The following CIMIP2A variants were observed in gnomAD, a reference collection of about 807,000 sequenced individuals.
The protein encoded by CIMIP2A is ciliary microtubule inner protein 2A, also known as family with sequence similarity 166 member A.
At chr9:137,247,355 C>G in the CIMIP2A span, among the ~76,000 whole-genome samples, 4 of 152,364 alleles carry the variant, frequency 2.6e-5, no homozygotes, top group African/African-American at 9.6e-5. Context: ...CACTTACTAG[C>G]CGGCCTCTGC....
chr9:137,249,827 A>G, the CIMIP2A span, among the ~76,000 whole-genome samples: 7 of 152,180 alleles, frequency 4.6e-5, no homozygotes, highest in Non-Finnish European at 1.0e-4. Flanking sequence ...TACCCTTTAC[A>G]ATAAACCAGT....
At chr9:137,243,730 C>T in the CIMIP2A span, 21 of 1,614,060 alleles carry the variant, frequency 1.3e-5, no homozygotes, top group East Asian at 2.2e-5. Context: ...TTGCCCATTC[C>T]TTCCAGTAGG....
chr9:137,246,328 A>G, the CIMIP2A span, among the ~76,000 whole-genome samples: 32 of 152,222 alleles, frequency 2.1e-4, no homozygotes. Flanking sequence ...CTGCACGGGA[A>G]GAGAACTGGG....
the CIMIP2A span, chr9:137,252,008 G>A: frequency 6.2e-7 from 1 of 1,611,202 alleles, no homozygotes; most frequent in Non-Finnish European, 8.5e-7. Context: ...CAGTGCTGGA[G>A]CAACGCCCCC....
chr9:137,253,032 CA>C, the CIMIP2A span: 1 of 1,533,194 alleles, frequency 6.5e-7, no homozygotes, highest in Non-Finnish European at 8.8e-7. Context: ...GACAAGGGTT[CA>C]GGGGCCGGGG....
At chr9:137,244,193 G>T in the CIMIP2A span, 1 of 1,613,922 alleles carries the variant, frequency 6.2e-7, no homozygotes, top group Non-Finnish European at 8.5e-7. Context: ...CCATGTAGAA[G>T]GGGATCAGGC....
At chr9:137,244,365 T>G in the CIMIP2A span, 1 of 1,601,466 alleles carries the variant, frequency 6.2e-7, no homozygotes, top group Non-Finnish European at 8.5e-7. Flanking sequence ...AGTGGGGGCC[T>G]GGCCGGAGGG....
the CIMIP2A span, among the ~76,000 whole-genome samples, chr9:137,249,539 C>T: frequency 6.6e-6 from 1 of 152,144 alleles, no homozygotes; most frequent in Non-Finnish European, 1.5e-5. Context: ...TACCTCCTGC[C>T]CTCCTTTCAC....
chr9:137,251,812 A>G, the CIMIP2A span: 2 of 1,602,108 alleles, frequency 1.2e-6, no homozygotes, highest in Non-Finnish European at 1.7e-6. Flanking sequence ...CCAAAGATGA[A>G]GGAGATCCCA....
chr9:137,245,237 G>A, the CIMIP2A span: 44 of 1,574,854 alleles, frequency 2.8e-5, no homozygotes, highest in East Asian at 4.5e-5. Context: ...GGGAGGAAGC[G>A]GAGGTCACGG....
the CIMIP2A span, chr9:137,244,670 T>C: frequency 6.2e-7 from 1 of 1,613,880 alleles, no homozygotes; most frequent in Admixed American, 1.7e-5. Flanking sequence ...GTCCATGGCT[T>C]GCATGACGCC....
At chr9:137,244,115 C>A in the CIMIP2A span, 2 of 1,523,758 alleles carry the variant, frequency 1.3e-6, no homozygotes, top group South Asian at 1.1e-5. Context: ...CAGGTAGAGC[C>A]GTCCCTCCCC....
the CIMIP2A span, chr9:137,245,592 A>T: frequency 6.2e-7 from 1 of 1,613,580 alleles, no homozygotes; most frequent in African/African-American, 1.3e-5. Context: ...GTGCCGGGAC[A>T]GGCAGGCGGG....
At chr9:137,244,346 A>G in the CIMIP2A span, 5 of 1,608,586 alleles carry the variant, frequency 3.1e-6, no homozygotes, top group African/African-American at 1.3e-5. Context: ...CAGATAGTCA[A>G]GTTGTCCCAG....
At chr9:137,253,051 C>A in the CIMIP2A span, 1 of 1,536,818 alleles carries the variant, frequency 6.5e-7, no homozygotes, top group Non-Finnish European at 8.8e-7. Flanking sequence ...GGGGTGGGAA[C>A]TGGGAGCCAG....
chr9:137,244,986 A>T, the CIMIP2A span: 1 of 1,607,534 alleles, frequency 6.2e-7, no homozygotes, highest in Non-Finnish European at 8.5e-7. Flanking sequence ...GTTCTGGAGC[A>T]GGAAAAGTGG....
chr9:137,244,636 T>C, the CIMIP2A span: 30 of 1,613,362 alleles, frequency 1.9e-5, no homozygotes, highest in Non-Finnish European at 2.5e-5. Context: ...GATGGCGCTT[T>C]CCTACCTGGC....
At chr9:137,244,130 T>A in the CIMIP2A span, 4 of 1,586,322 alleles carry the variant, frequency 2.5e-6, no homozygotes, top group Non-Finnish European at 2.6e-6. Context: ...CTCCCCACAT[T>A]GGCCGGGGTG....
chr9:137,252,382 G>T, the CIMIP2A span: 1 of 1,547,366 alleles, frequency 6.5e-7, no homozygotes, highest in South Asian at 1.2e-5. Context: ...TTCGAGTGGG[G>T]ACTGTCACCT....
Sources: gnomAD v4.1 joint callset for allele counts (sites outside exome capture counted in the v4.1 genomes callset) on GRCh38, gnomAD v4.1.1 for gene constraint, MANE v1.5 for transcripts, NCBI Gene and HGNC (gene_info 2026-07-23, HGNC 2026-07-21) for gene names.